The following UBR4 variants were observed in gnomAD, a reference collection of about 807,000 sequenced individuals.
UBR4 encodes the protein ubiquitin protein ligase E3 component n-recognin 4, also known as E3 ubiquitin-protein ligase UBR4.
Under a neutral mutation model 575.6 loss-of-function variants are expected in UBR4, and 124 were observed. The ratio of observed to expected loss-of-function variants is 0.22; its 90% CI spans 0.19 to 0.25. The LOEUF (loss-of-function observed/expected upper bound fraction) is 0.25. Ranked by LOEUF, UBR4 falls within the 10% of genes least tolerant of loss-of-function variation. The probability of loss-of-function intolerance (pLI) is 1.00; values close to 1 mark genes in which losing one functional copy is unlikely to be tolerated. For synonymous variants in UBR4, 2,455 were observed against 2,473.7 expected, an observed-to-expected ratio of 0.99 and a Z score of 0.22; for missense variants, 4,818 against 6,478.8, an observed-to-expected ratio of 0.74 and a Z score of 8.80.
At position 19,106,986 on chromosome 1, in the gene UBR4, C is replaced by G. The variant is rs114943695; in HGVS notation, c.12106-20G>C. 6.2e-7 allele frequency: 1 copy of G among 1,610,808 alleles called. No individual in the cohort carries two copies. The highest frequency in any genetic ancestry group is 8.5e-7 in the Non-Finnish European group (1 of 1,179,452). ...GACATCCTGGAGGAGGCAAGTGGAG[C>G]AAGGTGAGGGCGCTCAAGGGCACAC... On this transcript the variant is annotated intron_variant, in intron 81 of 105. Coordinates refer to ENST00000375254, the MANE Select transcript of UBR4 (RefSeq NM_020765.3).
At position 19,123,030 on chromosome 1, in the gene UBR4, G is replaced by A. The variant is rs2081340046; in HGVS notation, c.9619C>T (p.Arg3207Cys). The A allele has an allele frequency of 4.3e-6, 7 of 1,614,056 alleles. No individual in the cohort carries two copies. Among genetic ancestry groups the A allele is most frequent in the Admixed American group, 1.7e-5 (1 of 60,012 alleles). ...YLMIQQTPFV[R>C]RQVRKLLLFI... is the part of the protein sequence containing the mutation. Reference sequence around the variant, plus strand: ...AGCAGAAGTTTGCGGACTTGACGGCGCACAAATGGAGTCTGCTGGATCATG... The same window carrying A: ...AGCAGAAGTTTGCGGACTTGACGGCACACAAATGGAGTCTGCTGGATCATG... Residue 3207 changes from arginine to cysteine, a missense_variant, in exon 66 of 106, where the codon CGC becomes TGC. By Grantham distance (180) the Arg-to-Cys change is radical. Around this residue, in one of 29 missense-constraint regions of UBR4, gnomAD observed 550 missense variants for 791.5 expected, o/e 0.69. Transcript: ENST00000375254.
Position 19,113,784 on chromosome 1 carries a change from CT to C in UBR4, c.11371del (p.Ser3791ValfsTer2). The C allele has an allele frequency of 6.2e-7, 1 of 1,614,262 alleles. No homozygotes were observed. ...TAGGISSTSASVNRYILQLAQ... is the reference protein window; with the variant it reads ...TAGGISSTSAXVNRYILQLAQ... ...CAACTGCAGGATGTAACGATTCACA[CT>C]GGCAGAAGTGGAGCTGATGCCCCCT... On this transcript the variant is annotated frameshift_variant, in exon 77 of 106. Coordinates refer to ENST00000375254, the MANE Select transcript of UBR4 (RefSeq NM_020765.3). LOFTEE classifies it high-confidence loss of function.
chr1:19,090,787 T>C (rs80227453), intron 97 of UBR4, among the ~76,000 whole-genome samples: 83 of 152,196 alleles, frequency 5.5e-4, no homozygotes, highest in African/African-American at 2.0e-3. Context: ...AGTAATTCAA[T>C]TTGGTAACTA....
chr1:19,115,183 A>C (rs2080352390), intron 74 of UBR4, among the ~76,000 whole-genome samples: 1 of 140,620 alleles, frequency 7.1e-6, no homozygotes, highest in Non-Finnish European at 1.5e-5. Flanking sequence ...CAGGACAGAC[A>C]CACTCGTGTG....
chr1:19,190,312 A>AAAAAAAATATATAT, intron 11 of UBR4, among the ~76,000 whole-genome samples: 105 of 79,872 alleles, frequency 1.3e-3, no homozygotes, highest in Non-Finnish European at 1.5e-3. Context: ...AAAAAAAAAA[A>AAAAAAAATATATAT]ATATATATAT....
In UBR4 at chr1:19,192,536, T is replaced by C. The variant is rs772896668; in HGVS notation, c.1148A>G (p.Glu383Gly). Residue 383 changes from glutamate to glycine, a missense_variant, in exon 10 of 106, where the codon GAA (glutamate) becomes GGA (glycine). Transcript: ENST00000375254. ...TGCTTGTCCAATCATGTCATAGATTTCGAGCTGTACAATATCAAACAGACA... is the reference window on the plus strand; with the variant it reads ...TGCTTGTCCAATCATGTCATAGATTCCGAGCTGTACAATATCAAACAGACA... ...DAATIVQKCL[E>G]IYDMIGQAIS... 1.9e-6 allele frequency: 3 copies of C among 1,614,150 alleles called. No homozygotes were observed. Among genetic ancestry groups the C allele is most frequent in the South Asian group, 1.1e-5 (1 of 91,062 alleles).
intron 3 of UBR4, 93 bp from the exon 4 acceptor site, chr1:19,199,021 C>T: frequency 6.8e-7 from 1 of 1,475,962 alleles, no homozygotes; most frequent in Non-Finnish European, 9.1e-7. Flanking sequence ...TGGCACAGGG[C>T]CAAATTTAGG....
chr1:19,151,517 CT>C (rs759807822), intron 48 of UBR4, 125 bp downstream of exon 48: 1 of 1,036,538 alleles, frequency 9.6e-7, no homozygotes, highest in Non-Finnish European at 1.5e-6. Context: ...TCAAAGTTTC[CT>C]GATGAAAGGA....
At chr1:19,174,199 A>G (rs1246282425) in intron 22 of UBR4, 120 bp downstream of exon 22, 5 of 1,276,424 alleles carry the variant, frequency 3.9e-6, no homozygotes, top group African/African-American at 3.0e-5. Context: ...ATACTCAAGT[A>G]TCAGTCAGTT....
intron 102 of UBR4, among the ~76,000 whole-genome samples, chr1:19,083,257 C>G (rs914094356): frequency 2.0e-5 from 3 of 152,172 alleles, no homozygotes; most frequent in African/African-American, 7.2e-5. Flanking sequence ...ACTCTGATGT[C>G]AACCTGCCCC....
chr1:19,112,879 A>T lies in UBR4; in HGVS notation c.11458-12T>A. ...GAAGCAAAGACTTTCTAAGAACAAA[A>T]AGGCAACAATAATGGGAATTAGCAA... is the stretch of plus-strand genomic sequence containing the variant. On this transcript the variant is annotated splice_polypyrimidine_tract_variant and intron_variant, in intron 77 of 105. Coordinates refer to ENST00000375254, the MANE Select transcript of UBR4 (RefSeq NM_020765.3). 6.5e-7 allele frequency: 1 copy of T among 1,550,040 alleles called. No individual in the cohort carries two copies. The highest frequency in any genetic ancestry group is 2.3e-5 in the East Asian group (1 of 43,962).
rs778488342 is a variant in UBR4, at chr1:19,110,788, C to G, written c.11846G>C (p.Gly3949Ala). The change falls in exon 79 of 106, where the codon GGC (glycine) becomes GCC (alanine). Residue 3949 changes from glycine to alanine, a missense_variant. Gly to Ala is a moderately conservative substitution (Grantham distance 60, BLOSUM62 0). Around this residue, in one of 29 missense-constraint regions of UBR4, gnomAD observed 333 missense variants for 459.2 expected, o/e 0.73. Coordinates refer to ENST00000375254, the MANE Select transcript of UBR4 (RefSeq NM_020765.3). The surrounding 1 kb of genome is among the most constrained non-coding windows in gnomAD (Gnocchi z 4.5). ...ATQQMNDLII[G>A]KVSTALKGHW... ...GCCCTTCAGGGCTGTGGAGACCTTG[C>G]CAATAATCAGGTCATTCATCTGTTG... The G allele has an allele frequency of 6.2e-7, 1 of 1,614,162 alleles. No individual in the cohort carries two copies. Among genetic ancestry groups the G allele is most frequent in the East Asian group, 2.2e-5 (1 of 44,876 alleles).
rs908625398 is a variant in UBR4 at position 19,129,168 on chromosome 1, G to A, written c.8907-94C>T. On this transcript the variant is annotated intron_variant, in intron 60 of 105. Transcript: ENST00000375254. ...CTCCCCAACCCCACCCTGCTACCAAGGTCAACAAGAAGCCTAATGCTTAGG... is the reference window on the plus strand; with the variant it reads ...CTCCCCAACCCCACCCTGCTACCAAAGTCAACAAGAAGCCTAATGCTTAGG... The A allele has an allele frequency of 2.9e-6, 3 of 1,040,926 alleles. No homozygotes were observed. In the African/African-American group the frequency reaches 4.8e-5, roughly 17 times the overall value. 64.5% of individuals were successfully genotyped at this position (1,040,926 alleles called of 1,614,324 possible). A position where few individuals can be genotyped will look rare whatever the true frequency, so the allele number is the denominator to read the frequency against.
chr1:19,087,080 AC>A (rs2077085004), intron 99 of UBR4, among the ~76,000 whole-genome samples: 1 of 152,284 alleles, frequency 6.6e-6, no homozygotes. Context: ...AGAGGCATAC[AC>A]ATAAGCAAGC....
intron 92 of UBR4, 40 bp downstream of exon 92, chr1:19,096,483 C>G: frequency 6.2e-7 from 1 of 1,600,708 alleles, no homozygotes; most frequent in Non-Finnish European, 8.5e-7. Flanking sequence ...TCTCCCAGTG[C>G]AGAAAGGCTG....
At chr1:19,196,794 T>G (rs934628539) in intron 8 of UBR4, among the ~76,000 whole-genome samples, 1 of 152,254 alleles carries the variant, frequency 6.6e-6, no homozygotes, top group African/African-American at 2.4e-5. Context: ...TTTAGCTTTA[T>G]GTGTTCTCTG....
Position 19,094,075 on chromosome 1 carries a change from G to C in UBR4, c.13811C>G (p.Thr4604Ser). ...CACACTGGGGTTGGAGCGAACAAAG[G>C]TGCTGTTGATCTGGTCCAAGAGCAT... ...LVMLLDQINS[T>S]FVRSNPSVLQ... is the part of the protein sequence containing the mutation. Residue 4604 changes from threonine (T) to serine (S), a missense_variant, in exon 95 of 106, where the codon ACC (threonine) becomes AGC (serine). By Grantham distance (58) the Thr-to-Ser change is moderately conservative. Around this residue, in one of 29 missense-constraint regions of UBR4, gnomAD observed 165 missense variants for 282.3 expected, o/e 0.58. Coordinates refer to ENST00000375254, the MANE Select transcript of UBR4 (RefSeq NM_020765.3). 6.2e-7 allele frequency: 1 copy of C among 1,614,094 alleles called. No individual in the cohort carries two copies. Among genetic ancestry groups the C allele is most frequent in the Non-Finnish European group, 8.5e-7 (1 of 1,180,004 alleles).
rs2078462611 is a variant in UBR4 at position 19,100,043 on chromosome 1, C to T, written c.13221+333G>A. On this transcript the variant is annotated intron_variant, in intron 89 of 105. Transcript: ENST00000375254. The surrounding 1 kb of genome is among the most constrained non-coding windows in gnomAD (Gnocchi z 4.2). ...ATAAACCTGCACAGGGGGTAAAACG[C>T]CAATATTTAGGGGGCTCAGGTAACT... The T allele has an allele frequency of 4.7e-6, 2 of 429,582 alleles. No homozygotes were observed. The highest frequency in any genetic ancestry group is 4.0e-5 in the African/African-American group (2 of 50,164). The allele number at this position is 429,582 out of a possible 1,614,324, so 26.6% of individuals were successfully genotyped here.
chr1:19,179,715 C>T (rs1306034770), intron 17 of UBR4, among the ~76,000 whole-genome samples: 1 of 152,316 alleles, frequency 6.6e-6, no homozygotes, highest in Admixed American at 6.5e-5. Context: ...CAGAACTCAA[C>T]AAGGCTGTTC....
Sources: gnomAD v4.1 joint callset for allele counts (sites outside exome capture counted in the v4.1 genomes callset) on GRCh38, gnomAD v4.1.1 for gene constraint, gnomAD v4.1.1 regional missense constraint, Gnocchi (gnomAD v3.1) non-coding constraint, MANE v1.5 for transcripts, NCBI Gene and HGNC (gene_info 2026-07-23, HGNC 2026-07-21) for gene names.